The following DIABLO variants were observed in gnomAD, a reference collection of about 807,000 sequenced individuals.
DIABLO encodes diablo homolog, mitochondrial.
In DIABLO, 32 loss-of-function variants were observed where a neutral mutation model predicts 31.7. The ratio of observed to expected loss-of-function variants is 1.01; its 90% CI spans 0.76 to 1.35. The LOEUF (loss-of-function observed/expected upper bound fraction) is 1.35, where lower values mean the gene tolerates loss of function less well. DIABLO is among the 40% of genes most tolerant of loss of function. DIABLO has a pLI of 0.00. For missense variants in DIABLO, 316 were observed against 286.4 expected (o/e 1.10, Z -0.75); for synonymous variants, 132 against 103.2 (o/e 1.28, Z -1.69).
Position 122,214,839 on chromosome 12 carries a change from T to C in DIABLO, c.523+1649A>G, listed in dbSNP as rs1049536673. The stretch of plus-strand genomic sequence containing the variant: ...CAAGCCATTCTCCTGCACAGGCGTG[T>C]GCCACTACACCTGGCTAATTTTTGT... On this transcript the variant is annotated intron_variant, in intron 5 of 5. Transcript: ENST00000464942. 3.3e-5 allele frequency among the ~76,000 whole-genome samples: 5 copies of C among 152,056 alleles called. No homozygotes were observed. The East Asian group carries it at 5.8e-4, about 18-fold the overall frequency.
In DIABLO at chr12:122,208,420, C is replaced by CCGCTCCTCCCCTTCCT. The variant is rs749658125; in HGVS notation, c.665_680dup (p.Ala228GlyfsTer7). The CCGCTCCTCCCCTTCCT allele has an allele frequency of 6.2e-7, 1 of 1,613,484 alleles. No homozygotes were observed. The highest frequency in any genetic ancestry group is 1.7e-5 in the Admixed American group (1 of 60,024). On this transcript the variant is annotated frameshift_variant, in exon 6 of 6. Transcript: ENST00000464942. LOFTEE classifies it high-confidence loss of function. ...GGTAGGCCTCCTGCTCCGACTCAGC[C>CCGCTCCTCCCCTTCCT]CGCTCCTCCCCTTCCTCCTGTGTTT...
chr12:122,212,157 A>T (rs1313448946), intron 5 of DIABLO, among the ~76,000 whole-genome samples: 1 of 152,098 alleles, frequency 6.6e-6, no homozygotes, highest in Non-Finnish European at 1.5e-5. Flanking sequence ...TTTCTAATTG[A>T]CGGGTTTTCT....
rs201238806 is a variant in DIABLO at position 122,225,984 on chromosome 12, T to C, written c.31A>G (p.Ser11Gly). ...CGGTACCTGAAGAATGAAGTTACGC[T>C]GCGCGACAGCCAACTCTTCAGAGCC... MAALKSWLSR[S>G]VTSFFRYRQC... is the part of the protein sequence containing the mutation. Residue 11 changes from serine (S) to glycine (G), a missense_variant, in exon 1 of 6, where the codon AGC (serine) becomes GGC (glycine). Ser to Gly is a moderately conservative substitution (Grantham distance 56). Transcript: ENST00000464942. 6.2e-7 allele frequency: 1 copy of C among 1,602,000 alleles called. No individual in the cohort carries two copies. Among genetic ancestry groups the C allele is most frequent in the Non-Finnish European group, 8.5e-7 (1 of 1,175,074 alleles).
At chr12:122,215,906 G>A (rs952954954) in intron 5 of DIABLO, among the ~76,000 whole-genome samples, 89 of 107,548 alleles carry the variant, frequency 8.3e-4, no homozygotes, top group South Asian at 1.9e-3. Context: ...AAAAAAAAAA[G>A]ACCTACTCAG....
At position 122,216,511 on chromosome 12, in the gene DIABLO, G is replaced by A; in HGVS notation, c.500C>T (p.Ala167Val). 1 of 1,613,884 alleles carries A rather than the reference G, an allele frequency of 6.2e-7. No individual in the cohort carries two copies. The highest frequency in any genetic ancestry group is 8.5e-7 in the Non-Finnish European group (1 of 1,179,970). ...WMTAVGLSEM[A>V]AEAAYQTGAD... ...ACCAGTTTGATATGCAGCTTCTGCT[G>A]CCATCTCTGAAAGACCAACTGCAGT... The change falls in exon 5 of 6, where the codon GCA becomes GTA. Residue 167 changes from alanine to valine, a missense_variant. By Grantham distance (64) the Ala-to-Val change is moderately conservative. Transcript: ENST00000464942.
intron 5 of DIABLO, 52 bp from the exon 6 acceptor site, chr12:122,208,629 C>T: frequency 1.3e-6 from 2 of 1,581,700 alleles, no homozygotes; most frequent in Non-Finnish European, 1.7e-6. Context: ...GCGCGGAAGG[C>T]TCATGTGGAC....
intron 1 of DIABLO, chr12:122,225,284 A>C (rs1379340587): frequency 2.3e-5 from 12 of 519,720 alleles, no homozygotes; most frequent in Non-Finnish European, 1.3e-5. Flanking sequence ...GCTACTCGGG[A>C]GGCTGAGGCT....
chr12:122,224,926 T>A, intron 1 of DIABLO: 1 of 1,044,452 alleles, frequency 9.6e-7, no homozygotes, highest in Non-Finnish European at 1.3e-6. Flanking sequence ...CTGGGCAACA[T>A]GGCTGGCAAC....
chr12:122,208,564 G>A lies in DIABLO; in HGVS notation c.537C>T (p.Ala179=), dbSNP rs1188269077. The part of the protein sequence containing the change: ...EAAYQTGADQ[A]SITARNHIQL... ...GAATGTGATTCCTGGCGGTTATAGA[G>A]GCCTGATCTGCGCCTGCCAAAAGAT... Residue 179 remains alanine, a synonymous_variant, in exon 6 of 6, where the codon GCC becomes GCT. Transcript: ENST00000464942. The A allele has an allele frequency of 1.9e-6, 3 of 1,613,026 alleles. No individual in the cohort carries two copies. Among genetic ancestry groups the A allele is most frequent in the Non-Finnish European group, 2.5e-6 (3 of 1,180,026 alleles).
At chr12:122,209,756 G>A (rs1477062893) in intron 5 of DIABLO, 9 of 703,024 alleles carry the variant, frequency 1.3e-5, no homozygotes, top group South Asian at 1.5e-5. Context: ...TTCGTCTGTA[G>A]AACATTTTGA....
intron 5 of DIABLO, among the ~76,000 whole-genome samples, chr12:122,210,542 T>C (rs1954060672): frequency 6.6e-6 from 1 of 151,452 alleles, no homozygotes; most frequent in South Asian, 2.1e-4. Context: ...CTAATTTATT[T>C]ATTTATTTTT....
chr12:122,225,821 C>T, intron 1 of DIABLO, 144 bp downstream of exon 1: 1 of 1,503,212 alleles, frequency 6.7e-7, no homozygotes, highest in Non-Finnish European at 8.9e-7. Context: ...CTCAGTCCTC[C>T]CGACCGGAGC....
chr12:122,217,310 C>T (rs1954237324), intron 3 of DIABLO: 3 of 200,552 alleles, frequency 1.5e-5, no homozygotes, highest in South Asian at 1.6e-4. Flanking sequence ...GTCAGGAGTT[C>T]GAGACCAGCT....
Position 122,218,268 on chromosome 12 carries a change from T to C in DIABLO, c.313A>G (p.Lys105Glu), listed in dbSNP as rs1954258116. ...ALIEAITEYT[K>E]AVYTLTSLYR... ...TCAAGAGTTAAGAGGAGACATACCT[T>C]AGTATATTCAGTAATAGCTTCAATC... Residue 105 changes from lysine (K) to glutamate (E), a missense_variant and splice_region_variant, in exon 3 of 6, where the codon AAG becomes GAG. Lys to Glu is a moderately conservative substitution (Grantham distance 56, BLOSUM62 1). Coordinates refer to ENST00000464942, the MANE Select transcript of DIABLO (RefSeq NM_001371333.1). The C allele has an allele frequency of 2.5e-6, 4 of 1,614,106 alleles. No homozygotes were observed. Among genetic ancestry groups the C allele is most frequent in the African/African-American group, 1.3e-5 (1 of 75,060 alleles).
chr12:122,208,513 C>A lies in DIABLO; in HGVS notation c.588G>T (p.Glu196Asp), dbSNP rs867016501. ...HIQLVKLQVE[E>D]VHQLSRKAET... is the part of the protein sequence containing the mutation. ...CTGCTTTCCGGGAGAGCTGGTGCAC[C>A]TCTTCCACCTGCAGTTTCACCAGCT... Residue 196 changes from glutamate to aspartate, a missense_variant, in exon 6 of 6, where the codon GAG (glutamate) becomes GAT (aspartate). Coordinates refer to ENST00000464942, the MANE Select transcript of DIABLO (RefSeq NM_001371333.1). The A allele has an allele frequency of 1.9e-6, 3 of 1,613,988 alleles. No homozygotes were observed. The highest frequency in any genetic ancestry group is 2.7e-5 in the African/African-American group (2 of 74,930).
At chr12:122,211,966 A>G (rs185353364) in intron 5 of DIABLO, among the ~76,000 whole-genome samples, 113 of 151,162 alleles carry the variant, frequency 7.5e-4, no homozygotes, top group African/African-American at 2.6e-3. Context: ...TTTTTACTGC[A>G]ATCACTGATG....
At position 122,218,141 on chromosome 12, in the gene DIABLO, A is replaced by G. The variant is rs551650942; in HGVS notation, c.315+125T>C. 8 of 1,185,284 alleles carry G rather than the reference A, an allele frequency of 6.7e-6. No individual in the cohort carries two copies. The South Asian group carries it at 1.0e-4, about 15-fold the overall frequency. 73.4% of individuals were successfully genotyped at this position (1,185,284 alleles called of 1,614,324 possible). On this transcript the variant is annotated intron_variant, in intron 3 of 5. Coordinates refer to ENST00000464942, the MANE Select transcript of DIABLO (RefSeq NM_001371333.1). Reference sequence around the variant, plus strand: ...ATCCTCAAAAACCGTTATTGACAACACATAAACAAATAGGCCTGGCTATGT... The same window carrying G: ...ATCCTCAAAAACCGTTATTGACAACGCATAAACAAATAGGCCTGGCTATGT...
At position 122,218,571 on chromosome 12, in the gene DIABLO, T is replaced by C. The variant is rs1954266215; in HGVS notation, c.184-174A>G. ...CTTATTTTGGCAATTTAAGACAATATAGAGAAATAATTCCGGAGTATGCTT... is the reference window on the plus strand; with the variant it reads ...CTTATTTTGGCAATTTAAGACAATACAGAGAAATAATTCCGGAGTATGCTT... On this transcript the variant is annotated intron_variant, in intron 2 of 5. Coordinates refer to ENST00000464942, the MANE Select transcript of DIABLO (RefSeq NM_001371333.1). The C allele has an allele frequency of 1.2e-5, 9 of 730,700 alleles. No homozygotes were observed. The South Asian group carries it at 1.2e-4, about 10-fold the overall frequency. The allele number at this position is 730,700 out of a possible 1,614,324, so 45.3% of individuals were successfully genotyped here.
chr12:122,215,821 G>C lies in DIABLO; in HGVS notation c.523+667C>G, dbSNP rs1023471676. On this transcript the variant is annotated intron_variant, in intron 5 of 5. Coordinates refer to ENST00000464942, the MANE Select transcript of DIABLO (RefSeq NM_001371333.1). Reference sequence around the variant, plus strand: ...GGAGGCCAAGGTGGGTAGACTGCTTGAGCCTAGGATTTCGAGATTAGCCTG... The same window carrying C: ...GGAGGCCAAGGTGGGTAGACTGCTTCAGCCTAGGATTTCGAGATTAGCCTG... 3.5e-5 allele frequency among the ~76,000 whole-genome samples: 5 copies of C among 143,330 alleles called. No individual in the cohort carries two copies. The Admixed American group carries it at 3.6e-4, about 10-fold the overall frequency. The allele number at this position is 143,330 out of a possible 152,430, so 94.0% of individuals were successfully genotyped here. A position where few individuals can be genotyped will look rare whatever the true frequency, so the allele number is the denominator to read the frequency against.
Sources: allele counts gnomAD v4.1 joint callset (sites outside exome capture counted in the v4.1 genomes callset), GRCh38; gene constraint gnomAD v4.1.1; transcripts MANE v1.5; gene names NCBI Gene and HGNC (gene_info 2026-07-23, HGNC 2026-07-21).